The following XRRA1 variants were observed in gnomAD, a reference collection of about 807,000 sequenced individuals.
XRRA1 encodes X-ray radiation resistance associated 1, also known as X-ray radiation resistance-associated protein 1.
Under a neutral mutation model 80.2 loss-of-function variants are expected in XRRA1, and 69 were observed. That is an observed-to-expected ratio of 0.86 (90% confidence interval 0.71 to 1.05). The LOEUF (loss-of-function observed/expected upper bound fraction) is 1.05. Among genes scored for constraint, XRRA1 ranks in the 50% least tolerant of loss-of-function variants. The probability of loss-of-function intolerance (pLI) is 0.00; values close to 1 mark genes in which losing one functional copy is unlikely to be tolerated. For synonymous variants in XRRA1, 348 were observed against 389.9 expected, an observed-to-expected ratio of 0.89 and a Z score of 1.27; for missense variants, 967 against 976.4, an observed-to-expected ratio of 0.99 and a Z score of 0.13.
chr11:74,849,258 G>A (rs2039157763), intron 14 of XRRA1, among the ~76,000 whole-genome samples: 1 of 152,182 alleles, frequency 6.6e-6, no homozygotes, highest in African/African-American at 2.4e-5. Flanking sequence ...ACTGTAGTTA[G>A]AAAAATGTGG....
In XRRA1 at chr11:74,843,322, C is replaced by T. The variant is rs891011539; in HGVS notation, c.2281G>A (p.Gly761Arg). Residue 761 changes from glycine to arginine, a missense_variant, in exon 19 of 19, where the codon GGG (glycine) becomes AGG (arginine). Gly to Arg is a moderately radical substitution (Grantham distance 125). Transcript: ENST00000684022. Reference sequence around the variant, plus strand: ...CAGGCCATGGGGAGCGGGGTAGTCCCGAACACTGTGCGCAGAGAGCCACTC... The same window carrying T: ...CAGGCCATGGGGAGCGGGGTAGTCCTGAACACTGTGCGCAGAGAGCCACTC... The part of the protein sequence containing the change: ...LVSGSLRTVF[G>R]TTPLPMACPA... 3.0e-5 allele frequency: 48 copies of T among 1,606,806 alleles called. No individual in the cohort carries two copies. In the Admixed American group the frequency reaches 5.4e-4, roughly 18 times the overall value.
intron 10 of XRRA1, among the ~76,000 whole-genome samples, chr11:74,871,759 G>A (rs1329616430): frequency 6.6e-6 from 1 of 152,136 alleles, no homozygotes. Flanking sequence ...TAGGGTTCAA[G>A]TTCCTGTCTC....
chr11:74,907,078 A>C, intron 9 of XRRA1, 67 bp downstream of exon 9: 1 of 1,598,558 alleles, frequency 6.3e-7, no homozygotes, highest in East Asian at 2.2e-5. Flanking sequence ...CTTCCAGAAC[A>C]GCACTCAGAG....
In XRRA1 at chr11:74,841,755, A is replaced by G. The variant is rs2036581877; in HGVS notation, c.*1445T>C. 1 of 152,188 alleles carries G rather than the reference A, an allele frequency of 6.6e-6. No homozygotes were observed. The highest frequency in any genetic ancestry group is 2.4e-5 in the African/African-American group (1 of 41,442). The allele number at this position is 152,188 out of a possible 1,614,324, so 9.4% of individuals were successfully genotyped here. On this transcript the variant is annotated 3_prime_UTR_variant, in exon 19 of 19. Transcript: ENST00000684022. ...CCTGTCATTTAAGGTAAAACAGGCA[A>G]TGAACTCGCTCTTCAAATACCATAG... is the stretch of plus-strand genomic sequence containing the variant.
At position 74,906,280 on chromosome 11, in the gene XRRA1, T is replaced by C. The variant is rs2054574501; in HGVS notation, c.962A>G (p.Asp321Gly). The C allele has an allele frequency of 6.2e-7, 1 of 1,613,870 alleles. No individual in the cohort carries two copies. The highest frequency in any genetic ancestry group is 8.5e-7 in the Non-Finnish European group (1 of 1,179,894). ...RMLEDSDEQL[D>G]YTVLPMKKDV... ...CTTTTTCATGGGCAGTACAGTATAA[T>C]CCAGTTGCTCATCTGAGTCCTCAAG... The change falls in exon 10 of 19, where the codon GAT (aspartate) becomes GGT (glycine). Residue 321 changes from aspartate (D) to glycine (G), a missense_variant. Physicochemically the swap from Asp to Gly is moderately conservative, Grantham distance 94. Transcript: ENST00000684022.
chr11:74,938,549 A>G (rs750187863), intron 3 of XRRA1, among the ~76,000 whole-genome samples: 1 of 152,256 alleles, frequency 6.6e-6, no homozygotes, highest in African/African-American at 2.4e-5. Context: ...TTATCCATCA[A>G]CTTTGCTAAA....
intron 4 of XRRA1, 23 bp downstream of exon 4, chr11:74,936,861 C>A: frequency 1.2e-6 from 2 of 1,608,332 alleles, no homozygotes; most frequent in Non-Finnish European, 1.7e-6. Context: ...GTGCTGGCCA[C>A]TCCAGGATGC....
chr11:74,882,698 T>C (rs1475482375), intron 10 of XRRA1, among the ~76,000 whole-genome samples: 1 of 151,616 alleles, frequency 6.6e-6, no homozygotes, highest in Non-Finnish European at 1.5e-5. Context: ...GGTGTGGATG[T>C]CCTTTCTGTT....
intron 10 of XRRA1, among the ~76,000 whole-genome samples, chr11:74,893,350 G>C (rs1038062721): frequency 2.2e-5 from 3 of 133,790 alleles, no homozygotes; most frequent in Non-Finnish European, 4.6e-5. Flanking sequence ...GGTGGGAATT[G>C]AACAATGAGA....
intron 18 of XRRA1, 182 bp from the exon 19 acceptor site, chr11:74,843,635 ACT>A: frequency 2.3e-6 from 2 of 879,502 alleles, no homozygotes; most frequent in Non-Finnish European, 3.4e-6. Flanking sequence ...CTATGCATTG[ACT>A]CTATCTTAAG....
chr11:74,919,297 T>C (rs946144092), intron 8 of XRRA1, among the ~76,000 whole-genome samples: 1 of 152,184 alleles, frequency 6.6e-6, no homozygotes, highest in African/African-American at 2.4e-5. Flanking sequence ...GATGGGGGCA[T>C]AGATGAAACA....
At chr11:74,882,101 G>T (rs1209443413) in intron 10 of XRRA1, among the ~76,000 whole-genome samples, 11 of 151,776 alleles carry the variant, frequency 7.2e-5, no homozygotes, top group Non-Finnish European at 1.5e-5. Flanking sequence ...CCTGCAGAGT[G>T]TTTTCCAACT....
intron 8 of XRRA1, among the ~76,000 whole-genome samples, chr11:74,917,224 C>G (rs1185153709): frequency 6.6e-6 from 1 of 152,176 alleles, no homozygotes; most frequent in Non-Finnish European, 1.5e-5. Flanking sequence ...CTGGCTCCTG[C>G]AAGCTGCATG....
At position 74,841,222 on chromosome 11, in the gene XRRA1, C is replaced by T. The variant is rs1355927483; in HGVS notation, c.*1978G>A. The T allele has an allele frequency of 2.0e-5, 3 of 152,188 alleles. No homozygotes were observed. The highest frequency in any genetic ancestry group is 2.0e-4 in the Admixed American group (3 of 15,284). 9.4% of individuals were successfully genotyped at this position (152,188 alleles called of 1,614,324 possible). ...CCTCAGGCAGCCTTTTCCTCATCAA[C>T]CCATAGAGTGGTCTTTTGAACTGGT... On this transcript the variant is annotated 3_prime_UTR_variant, in exon 19 of 19. Transcript: ENST00000684022.
intron 12 of XRRA1, among the ~76,000 whole-genome samples, chr11:74,855,369 A>C (rs1242146783): frequency 6.6e-6 from 1 of 152,344 alleles, no homozygotes; most frequent in East Asian, 1.9e-4. Flanking sequence ...CAGGTGATTA[A>C]AAAGTTGAAG....
At chr11:74,934,175 G>A (rs146971666) in intron 4 of XRRA1, among the ~76,000 whole-genome samples, 251 of 152,278 alleles carry the variant, frequency 1.6e-3, no homozygotes, top group African/African-American at 5.8e-3. Flanking sequence ...GTTAAGAGAA[G>A]TTATGTGCCT....
At chr11:74,885,547 T>C (rs185117383) in intron 10 of XRRA1, among the ~76,000 whole-genome samples, 185 of 152,090 alleles carry the variant, frequency 1.2e-3, no homozygotes, top group African/African-American at 4.3e-3. Context: ...AATAGACCAA[T>C]AACAAGTTCT....
chr11:74,843,711 C>T (rs2037093096), intron 18 of XRRA1, 143 bp downstream of exon 18: 1 of 851,612 alleles, frequency 1.2e-6, no homozygotes, highest in Non-Finnish European at 1.8e-6. Context: ...CGCTGGCTCT[C>T]CTTTTGTCCA....
At chr11:74,864,329 ACT>A (rs998809151) in intron 10 of XRRA1, among the ~76,000 whole-genome samples, 59 of 152,196 alleles carry the variant, frequency 3.9e-4, no homozygotes, top group African/African-American at 1.4e-3. Flanking sequence ...GAGTGGAGAG[ACT>A]CTCAGAATGC....
Sources: gnomAD v4.1 joint callset for allele counts (sites outside exome capture counted in the v4.1 genomes callset) on GRCh38, gnomAD v4.1.1 for gene constraint, MANE v1.5 for transcripts, NCBI Gene and HGNC (gene_info 2026-07-23, HGNC 2026-07-21) for gene names.